SLC7A6: variants seen among roughly 807,000 people sequenced by gnomAD.
SLC7A6 encodes solute carrier family 7 member 6.
SLC7A6 carries 29 observed loss-of-function variants against 46.6 expected under a neutral mutation model. The observed-to-expected ratio is 0.62, with a 90% confidence interval of 0.46 to 0.85. SLC7A6 has a LOEUF of 0.85. SLC7A6 is among the 40% of genes least tolerant of loss of function. The pLI is 0.00. For synonymous variants in SLC7A6, 276 were observed against 257.3 expected, an observed-to-expected ratio of 1.07 and a Z score of -0.70; for missense variants, 527 against 647.6, an observed-to-expected ratio of 0.81 and a Z score of 2.02.
chr16:68,265,934 G>A (rs920864171), intron 1 of SLC7A6, among the ~76,000 whole-genome samples: 2 of 152,090 alleles, frequency 1.3e-5, no homozygotes, highest in Non-Finnish European at 2.9e-5. Context: ...TGTGCTTCCT[G>A]CTGTAATTTC....
At chr16:68,284,127 T>C (rs1010699520) in intron 3 of SLC7A6, 2 of 152,576 alleles carry the variant, frequency 1.3e-5, no homozygotes, top group Non-Finnish European at 2.9e-5. Flanking sequence ...CCCCTGAGAG[T>C]GAGTGCCTCC....
intron 3 of SLC7A6, among the ~76,000 whole-genome samples, chr16:68,286,992 CTTT>C (rs202243477): frequency 7.2e-6 from 1 of 138,162 alleles, no homozygotes; most frequent in African/African-American, 2.7e-5. Flanking sequence ...TCTTTTTCTC[CTTT>C]TTTTTTTTTT....
At chr16:68,278,543 GT>G (rs2042761843) in intron 3 of SLC7A6, among the ~76,000 whole-genome samples, 2 of 151,110 alleles carry the variant, frequency 1.3e-5, no homozygotes, top group Admixed American at 1.3e-4. Context: ...TCAAGCATCT[GT>G]TTAACAAAGC....
In SLC7A6 at chr16:68,287,856, G is replaced by C. The variant is rs1424097892; in HGVS notation, c.634G>C (p.Val212Leu). 1.2e-6 allele frequency: 2 copies of C among 1,614,028 alleles called. No homozygotes were observed. Among genetic ancestry groups the C allele is most frequent in the East Asian group, 4.5e-5 (2 of 44,890 alleles). The change falls in exon 4 of 11, where the codon GTT (valine) becomes CTT (leucine). Residue 212 changes from valine to leucine, a missense_variant. Val to Leu is a conservative substitution (Grantham distance 32). Coordinates refer to ENST00000219343, the MANE Select transcript of SLC7A6 (RefSeq NM_003983.6). The part of the protein sequence containing the change: ...ALIAIIVMGL[V>L]KLCQGHSEHF... ...CATTGCCATCATTGTCATGGGCCTT[G>C]TTAAACTGTGCCAGGGTAAGTGGTG...
intron 2 of SLC7A6, among the ~76,000 whole-genome samples, chr16:68,268,946 G>A (rs1349371513): frequency 1.3e-5 from 2 of 152,068 alleles, no homozygotes; most frequent in African/African-American, 2.4e-5. Flanking sequence ...GGCGGAGGTT[G>A]CAGTGAGCCA....
At chr16:68,292,538 T>A (rs2043078734) in intron 7 of SLC7A6, 1 of 152,138 alleles carries the variant, frequency 6.6e-6, no homozygotes, top group African/African-American at 2.4e-5. Context: ...TTAAATTAAT[T>A]TTTTTTAGAG....
At position 68,264,671 on chromosome 16, in the gene SLC7A6, C is replaced by G. The variant is rs2042495245; in HGVS notation, c.-166+95C>G. The stretch of plus-strand genomic sequence containing the variant: ...GAACCCTGTGGGTCTTCGCTGCCGC[C>G]GTCGGGAGCGGGATGCGGCCCAGAA... On this transcript the variant is annotated intron_variant, in intron 1 of 10. Coordinates refer to ENST00000219343, the MANE Select transcript of SLC7A6 (RefSeq NM_003983.6). This position sits in a 1 kb window ranked among gnomAD's most constrained non-coding sequence, Gnocchi z 5.8. 6.6e-6 allele frequency: 1 copy of G among 152,130 alleles called. No homozygotes were observed. Among genetic ancestry groups the G allele is most frequent in the South Asian group, 2.0e-4 (1 of 4,888 alleles). The allele number at this position is 152,130 out of a possible 1,614,324, so 9.4% of individuals were successfully genotyped here.
rs755359492 is a variant in SLC7A6 at position 68,297,301 on chromosome 16, A to G, written c.1521A>G (p.Glu507=). The change falls in exon 11 of 11, where the codon GAA becomes GAG. Residue 507 remains glutamate, a synonymous_variant. Transcript: ENST00000219343. ...CVLTELDVAE[E]KKDERKTD ...TGACTGAGCTTGATGTAGCCGAAGA[A>G]AAAAAGGATGAGAGGAAAACTGACT... 2.5e-6 allele frequency: 4 copies of G among 1,614,180 alleles called. No individual in the cohort carries two copies. Among genetic ancestry groups the G allele is most frequent in the Middle Eastern group, 1.6e-4 (1 of 6,062 alleles).
chr16:68,269,181 G>A (rs937535543), intron 2 of SLC7A6, among the ~76,000 whole-genome samples: 2 of 152,096 alleles, frequency 1.3e-5, no homozygotes, highest in African/African-American at 4.8e-5. Flanking sequence ...TTTTTCAGTA[G>A]AACCTTAAAT....
intron 3 of SLC7A6, 33 bp downstream of exon 3, chr16:68,275,282 G>T: frequency 6.3e-7 from 1 of 1,577,930 alleles, no homozygotes; most frequent in Non-Finnish European, 8.7e-7. Flanking sequence ...AGGATGTTGG[G>T]GGGTGGGGGG....
intron 4 of SLC7A6, among the ~76,000 whole-genome samples, chr16:68,288,835 G>A (rs551667614): frequency 2.3e-4 from 35 of 151,808 alleles, no homozygotes; most frequent in African/African-American, 7.7e-4. Flanking sequence ...ATGGTGGTGC[G>A]CGCCTGTAAT....
intron 1 of SLC7A6, among the ~76,000 whole-genome samples, chr16:68,265,971 G>C (rs759384918): frequency 1.1e-4 from 17 of 152,096 alleles, no homozygotes; most frequent in Non-Finnish European, 2.4e-4. Context: ...TTCTAAAAAA[G>C]TTATGCAGGC....
rs777589467 is a variant in SLC7A6, at chr16:68,296,459, T to C, written c.1215T>C (p.Val405=). 7 of 1,614,036 alleles carry C rather than the reference T, an allele frequency of 4.3e-6. No individual in the cohort carries two copies. Among genetic ancestry groups the C allele is most frequent in the Non-Finnish European group, 5.9e-6 (7 of 1,180,012 alleles). ...ACTGGTTCTTCGTGGGCCTGTCTGT[T>C]GTTGGACAGCTCTACCTCCGCTGGA... ...FSYWFFVGLS[V]VGQLYLRWKE... Residue 405 remains valine, a synonymous_variant, in exon 9 of 11, where the codon GTT becomes GTC. Coordinates refer to ENST00000219343, the MANE Select transcript of SLC7A6 (RefSeq NM_003983.6).
intron 7 of SLC7A6, 24 bp downstream of exon 7, chr16:68,291,685 T>A (rs772934656): frequency 1.3e-6 from 2 of 1,591,398 alleles, no homozygotes; most frequent in Non-Finnish European, 1.7e-6. Flanking sequence ...GTGTCACTGA[T>A]AATAGACCAC....
rs1393417316 is a variant in SLC7A6, at chr16:68,301,015, C to T, written c.*3687C>T. ...AAGAAGCTAAAGCTAAAGAAACCTT[C>T]CTTTTTTCAACGTTTTTTTTTCTTT... On this transcript the variant is annotated 3_prime_UTR_variant, in exon 11 of 11. Transcript: ENST00000219343. The T allele has an allele frequency of 1.2e-5, 13 of 1,128,842 alleles. No homozygotes were observed. The highest frequency in any genetic ancestry group is 1.3e-5 in the Non-Finnish European group (12 of 923,516). 69.9% of individuals were successfully genotyped at this position (1,128,842 alleles called of 1,614,324 possible).
intron 3 of SLC7A6, among the ~76,000 whole-genome samples, chr16:68,277,489 T>G (rs2151218275): frequency 6.6e-6 from 1 of 151,602 alleles, no homozygotes; most frequent in South Asian, 2.1e-4. Flanking sequence ...TTTTTTGTAT[T>G]TTTAGTAGAG....
Position 68,278,235 on chromosome 16 carries a change from A to G in SLC7A6, c.523+2986A>G, listed in dbSNP as rs937407141. ...CTCCCAAAGTGCTGGGATTACAGGC[A>G]TGAGCCACCATGCCCAGCCATAAAT... On this transcript the variant is annotated intron_variant, in intron 3 of 10. Coordinates refer to ENST00000219343, the MANE Select transcript of SLC7A6 (RefSeq NM_003983.6). Among the ~76,000 whole-genome samples the G allele has an allele frequency of 3.3e-5, 5 of 151,582 alleles. No homozygotes were observed. In the East Asian group the frequency reaches 9.7e-4, roughly 29 times the overall value.
Position 68,300,012 on chromosome 16 carries a change from A to G in SLC7A6, c.*2684A>G, listed in dbSNP as rs1376442612. 1 of 152,200 alleles carries G rather than the reference A, an allele frequency of 6.6e-6. No individual in the cohort carries two copies. The highest frequency in any genetic ancestry group is 1.9e-4 in the East Asian group (1 of 5,192). 9.4% of individuals were successfully genotyped at this position (152,200 alleles called of 1,614,324 possible). ...TTAGGAAATCCTAAAAGAGGCGGCA[A>G]GAAGGTACCTCCCTGTGTAACTCAC... On this transcript the variant is annotated 3_prime_UTR_variant, in exon 11 of 11. Coordinates refer to ENST00000219343, the MANE Select transcript of SLC7A6 (RefSeq NM_003983.6).
At chr16:68,282,179 G>A (rs924102368) in intron 3 of SLC7A6, among the ~76,000 whole-genome samples, 2 of 152,190 alleles carry the variant, frequency 1.3e-5, no homozygotes, top group Non-Finnish European at 2.9e-5. Flanking sequence ...CGGGGCTAGG[G>A]AGGACTGGGT....
Sources: gnomAD v4.1 joint callset for allele counts (sites outside exome capture counted in the v4.1 genomes callset) on GRCh38, gnomAD v4.1.1 for gene constraint, Gnocchi (gnomAD v3.1) non-coding constraint, MANE v1.5 for transcripts, NCBI Gene and HGNC (gene_info 2026-07-23, HGNC 2026-07-21) for gene names.